Variants in SKP2 observed in about 807,000 individuals in gnomAD.
SKP2 encodes the protein S-phase kinase associated protein 2, also known as S-phase kinase-associated protein 2.
In SKP2, 16 loss-of-function variants were observed where a neutral mutation model predicts 51.8. The ratio of observed to expected loss-of-function variants is 0.31; its 90% CI spans 0.21 to 0.47. The LOEUF (loss-of-function observed/expected upper bound fraction) is 0.47. SKP2 is among the 20% of genes least tolerant of loss of function. The pLI, the probability that SKP2 is intolerant of heterozygous loss-of-function variation, is 1.00. For missense variants in SKP2, 377 were observed against 505.3 expected, an observed-to-expected ratio of 0.75 and a Z score of 2.43; for synonymous variants, 176 against 198.6, an observed-to-expected ratio of 0.89 and a Z score of 0.96.
At chr5:36,172,173 G>C (rs72744541) in intron 7 of SKP2, among the ~76,000 whole-genome samples, 3 of 152,158 alleles carry the variant, frequency 2.0e-5, no homozygotes. Context: ...GTCTCTCATG[G>C]GCGGAAGCCA....
chr5:36,171,809 T>C, intron 7 of SKP2, 76 bp downstream of exon 7: 1 of 1,423,394 alleles, frequency 7.0e-7, no homozygotes, highest in Non-Finnish European at 9.8e-7. Flanking sequence ...CTCCTAATCA[T>C]TCCTCCACAT....
At position 36,183,069 on chromosome 5, in the gene SKP2, C is replaced by T. The variant is rs1745860396; in HGVS notation, c.*1038C>T. On this transcript the variant is annotated 3_prime_UTR_variant, in exon 10 of 10. Transcript: ENST00000274255. ...ATATAAGGTTATCAGACCTACAGTT[C>T]CCTAAGAGGAACTGCATGTTCTCTT... is the stretch of plus-strand genomic sequence containing the variant. 1.0e-6 allele frequency: 1 copy of T among 980,126 alleles called. No individual in the cohort carries two copies. The highest frequency in any genetic ancestry group is 4.7e-5 in the South Asian group (1 of 21,168). The allele number at this position is 980,126 out of a possible 1,614,324, so 60.7% of individuals were successfully genotyped here. A position where few individuals can be genotyped will look rare whatever the true frequency, so the allele number is the denominator to read the frequency against.
At chr5:36,190,768 A>C (rs2112027746) in intron 6 of SKP2, among the ~76,000 whole-genome samples, 1 of 151,944 alleles carries the variant, frequency 6.6e-6, no homozygotes, top group Admixed American at 6.6e-5. Context: ...ATCTCACTGA[A>C]TCCATGATCT....
Position 36,171,609 on chromosome 5 carries a change from T to G in SKP2, c.777T>G (p.Asp259Glu), listed in dbSNP as rs149713090. The G allele has an allele frequency of 2.6e-5, 42 of 1,613,642 alleles. No homozygotes were observed. Among genetic ancestry groups the G allele is most frequent in the Non-Finnish European group, 2.9e-5 (34 of 1,179,700 alleles). ...TTACCCCTCTTTTGTGCAGACTGGA[T>G]GAGCTGAACCTCTCCTGGTGTTTTG... is the stretch of plus-strand genomic sequence containing the variant. The part of the protein sequence containing the change: ...QTLLSSCSRL[D>E]ELNLSWCFDF... The change falls in exon 7 of 10, where the codon GAT (aspartate) becomes GAG (glutamate). Residue 259 changes from aspartate (D) to glutamate (E), a missense_variant. This residue lies in a region of SKP2 where 262 missense variants were observed against 389.8 expected (regional missense o/e 0.67). Coordinates refer to ENST00000274255, the MANE Select transcript of SKP2 (RefSeq NM_005983.4).
Position 36,153,042 on chromosome 5 carries a change from G to A in SKP2, c.280G>A (p.Gly94Ser), listed in dbSNP as rs756005994. 1 of 1,613,452 alleles carries A rather than the reference G, an allele frequency of 6.2e-7. No homozygotes were observed. Among genetic ancestry groups the A allele is most frequent in the African/African-American group, 1.3e-5 (1 of 74,902 alleles). ...TAAGCTAAATCGAGAGAACTTTCCA[G>A]GTAAGGACATGAGGGTAAAAATGTC... is the stretch of plus-strand genomic sequence containing the variant. ...RPKLNRENFP[G>S]VSWDSLPDEL... The change falls in exon 2 of 10, where the codon GGT becomes AGT. Residue 94 changes from glycine to serine, a missense_variant and splice_region_variant. Physicochemically the swap from Gly to Ser is moderately conservative, Grantham distance 56. This residue lies in a region of SKP2 where 115 missense variants were observed against 115.5 expected (regional missense o/e 1.00). Transcript: ENST00000274255.
At chr5:36,192,865 G>T (rs1044231209) in intron 7 of SKP2, 1 of 152,142 alleles carries the variant, frequency 6.6e-6, no homozygotes, top group African/African-American at 2.4e-5. Context: ...AGGGAAATAA[G>T]AAATGTTAAA....
At chr5:36,171,803 T>C in intron 7 of SKP2, 70 bp downstream of exon 7, 1 of 1,470,922 alleles carries the variant, frequency 6.8e-7, no homozygotes, top group South Asian at 1.2e-5. Flanking sequence ...GAGCTTCTCC[T>C]AATCATTCCT....
chr5:36,191,721 G>A (rs1746029111), intron 6 of SKP2, among the ~76,000 whole-genome samples: 1 of 152,128 alleles, frequency 6.6e-6, no homozygotes, highest in African/African-American at 2.4e-5. Context: ...TCTAGAGACT[G>A]GGCAAACTAG....
At chr5:36,158,910 C>T (rs1272646926) in intron 2 of SKP2, among the ~76,000 whole-genome samples, 3 of 152,204 alleles carry the variant, frequency 2.0e-5, no homozygotes, top group South Asian at 2.1e-4. Flanking sequence ...TCTTCAGCCT[C>T]ATCCCCTCCA....
rs1745837455 is a variant in SKP2 at position 36,182,331 on chromosome 5, T to C, written c.*300T>C. ...CAAAATTTGAGCCACCTCTTCCAAG[T>C]GCCCTTCTTACTAAGTCTATTCAGA... On this transcript the variant is annotated 3_prime_UTR_variant, in exon 10 of 10. Coordinates refer to ENST00000274255, the MANE Select transcript of SKP2 (RefSeq NM_005983.4). 8.9e-7 allele frequency: 1 copy of C among 1,127,964 alleles called. No individual in the cohort carries two copies. Among genetic ancestry groups the C allele is most frequent in the African/African-American group, 1.6e-5 (1 of 62,602 alleles). 69.9% of individuals were successfully genotyped at this position (1,127,964 alleles called of 1,614,324 possible).
chr5:36,163,009 C>T (rs1745172658), intron 2 of SKP2, among the ~76,000 whole-genome samples: 1 of 152,182 alleles, frequency 6.6e-6, no homozygotes, highest in African/African-American at 2.4e-5. Flanking sequence ...CGGTTATCAC[C>T]AGGTAACCGT....
At chr5:36,191,365 T>TG (rs1021932346) in intron 6 of SKP2, among the ~76,000 whole-genome samples, 62 of 151,244 alleles carry the variant, frequency 4.1e-4, no homozygotes, top group African/African-American at 1.5e-3. Context: ...ATAGTGTCAG[T>TG]GCTCCAGAGG....
chr5:36,182,077 A>G lies in SKP2; in HGVS notation c.*46A>G. 1 of 1,597,484 alleles carries G rather than the reference A, an allele frequency of 6.3e-7. No individual in the cohort carries two copies. The highest frequency in any genetic ancestry group is 8.5e-7 in the Non-Finnish European group (1 of 1,169,996). The stretch of plus-strand genomic sequence containing the variant: ...GTCTCTTCTTTAGAACAGGGAAAAT[A>G]GGCAGGAAGCCCAATTGCTGGAGTA... On this transcript the variant is annotated 3_prime_UTR_variant, in exon 10 of 10. Coordinates refer to ENST00000274255, the MANE Select transcript of SKP2 (RefSeq NM_005983.4).
chr5:36,178,344 C>T (rs1745698399), intron 9 of SKP2, among the ~76,000 whole-genome samples: 1 of 152,128 alleles, frequency 6.6e-6, no homozygotes, highest in African/African-American at 2.4e-5. Context: ...AAGTTAGTTT[C>T]AAGTATTAAT....
intron 2 of SKP2, among the ~76,000 whole-genome samples, chr5:36,154,170 G>T (rs1371657756): frequency 2.0e-5 from 3 of 152,110 alleles, no homozygotes; most frequent in South Asian, 4.2e-4. Context: ...CAGGTCTTGG[G>T]GTGGGAAGAT....
rs569516606 is a variant in SKP2, at chr5:36,181,028, A to AAAACAGAATTTGTGAAACAGAATTTGAG, written c.1062-764_1062-737dup. Among the ~76,000 whole-genome samples, 14 of 152,334 alleles carry AAAACAGAATTTGTGAAACAGAATTTGAG rather than the reference A, an allele frequency of 9.2e-5. No individual in the cohort carries two copies. In the East Asian group the frequency reaches 2.3e-3, roughly 25 times the overall value. On this transcript the variant is annotated intron_variant, in intron 9 of 9. Coordinates refer to ENST00000274255, the MANE Select transcript of SKP2 (RefSeq NM_005983.4). ...AACACCAAACAGTATTTACTTTGGA[A>AAAACAGAATTTGTGAAACAGAATTTGAG]AAACAGAATTTGTGAAACAGAATTT...
chr5:36,167,367 C>T (rs906500978), intron 4 of SKP2, among the ~76,000 whole-genome samples: 45 of 152,280 alleles, frequency 3.0e-4, no homozygotes, highest in African/African-American at 1.1e-3. Context: ...TTCTCAGTCT[C>T]CTTCACATAT....
At chr5:36,178,198 T>G (rs1187782270) in intron 9 of SKP2, among the ~76,000 whole-genome samples, 2 of 152,172 alleles carry the variant, frequency 1.3e-5, no homozygotes, top group Non-Finnish European at 2.9e-5. Context: ...GTGCCCAACA[T>G]GTCTTGAATG....
At chr5:36,184,977 T>C (rs1214333821), downstream of SKP2, among the ~76,000 whole-genome samples, 1 of 152,204 alleles carries the variant, frequency 6.6e-6, no homozygotes, top group Non-Finnish European at 1.5e-5. Flanking sequence ...AGATGGTATC[T>C]CATTGTGGTT....
Sources: allele counts gnomAD v4.1 joint callset (sites outside exome capture counted in the v4.1 genomes callset), GRCh38; gene constraint gnomAD v4.1.1; regional missense constraint gnomAD v4.1.1; transcripts MANE v1.5; gene names NCBI Gene and HGNC (gene_info 2026-07-23, HGNC 2026-07-21).